Variants in PPP2R5E observed in about 807,000 individuals in gnomAD.
PPP2R5E encodes the protein protein phosphatase 2 regulatory subunit B'epsilon.
PPP2R5E carries 4 observed loss-of-function variants against 65.3 expected under a neutral mutation model. The observed-to-expected ratio is 0.06, with a 90% CI of 0.03 to 0.14. PPP2R5E has a LOEUF of 0.14. Among genes scored for constraint, PPP2R5E ranks in the 10% least tolerant of loss-of-function variants. The pLI, the probability that PPP2R5E is intolerant of heterozygous loss-of-function variation, is 1.00. For missense variants in PPP2R5E, 274 were observed against 556.1 expected, an observed-to-expected ratio of 0.49 and a Z score of 5.10; for synonymous variants, 183 against 187.4, an observed-to-expected ratio of 0.98 and a Z score of 0.19.
At chr14:63,540,396 A>ACTC (rs1198657810) in intron 1 of PPP2R5E, among the ~76,000 whole-genome samples, 1 of 140,940 alleles carries the variant, frequency 7.1e-6, no homozygotes, top group East Asian at 2.1e-4. Flanking sequence ...GCACCACTGC[A>ACTC]CTCCAGCCTG....
chr14:63,507,289 G>A (rs1234489665), intron 2 of PPP2R5E, among the ~76,000 whole-genome samples: 2 of 152,108 alleles, frequency 1.3e-5, no homozygotes, highest in Non-Finnish European at 2.9e-5. Flanking sequence ...CTGCCTACCT[G>A]CTGTGAGTAC....
intron 3 of PPP2R5E, chr14:63,451,527 A>G (rs1888820846): frequency 1.3e-5 from 2 of 152,286 alleles, no homozygotes; most frequent in African/African-American, 4.8e-5. Context: ...TGGACACAGT[A>G]AAAAGATCAG....
intron 1 of PPP2R5E, 40 bp from the exon 2 acceptor site, chr14:63,539,732 G>T (rs1405789730): frequency 1.9e-6 from 3 of 1,556,576 alleles, no homozygotes; most frequent in Non-Finnish European, 2.6e-6. Context: ...ACATTCCCAA[G>T]GTGGAAGCAT....
intron 2 of PPP2R5E, among the ~76,000 whole-genome samples, chr14:63,520,282 G>A (rs371661372): frequency 1.3e-5 from 2 of 151,902 alleles, no homozygotes; most frequent in Non-Finnish European, 1.5e-5. Flanking sequence ...TGATCCGCCC[G>A]CCTCGGCCTC....
intron 3 of PPP2R5E, among the ~76,000 whole-genome samples, chr14:63,430,369 ACATGCATG>A (rs145725219): frequency 5.8e-4 from 78 of 135,140 alleles, no homozygotes; most frequent in African/African-American, 1.9e-3. Flanking sequence ...ATACATACAT[ACATGCATG>A]CATACATACA....
intron 2 of PPP2R5E, among the ~76,000 whole-genome samples, chr14:63,489,689 T>C (rs2139628655): frequency 6.6e-6 from 1 of 152,234 alleles, no homozygotes; most frequent in Middle Eastern, 3.4e-3. Context: ...ATTACAGGCA[T>C]GAGCTGCTGC....
At chr14:63,388,857 C>G (rs6573512) in intron 11 of PPP2R5E, among the ~76,000 whole-genome samples, 41,593 of 152,092 alleles carry the variant, frequency 0.27, 10,427 homozygotes, top group African/African-American at 0.65. Flanking sequence ...TCAATAGGCA[C>G]AGTCTAGGTT....
chr14:63,387,471 G>A (rs1884739724), intron 11 of PPP2R5E, among the ~76,000 whole-genome samples: 1 of 152,168 alleles, frequency 6.6e-6, no homozygotes, highest in African/African-American at 2.4e-5. Flanking sequence ...GCAGACCTCA[G>A]ATCTTAATGC....
intron 2 of PPP2R5E, among the ~76,000 whole-genome samples, chr14:63,537,375 A>C (rs1369186310): frequency 6.6e-6 from 1 of 152,222 alleles, no homozygotes; most frequent in Non-Finnish European, 1.5e-5. Flanking sequence ...AGCATAGTTC[A>C]ATCTACAGTG....
chr14:63,485,109 G>A (rs959531450), intron 2 of PPP2R5E, among the ~76,000 whole-genome samples: 7 of 148,846 alleles, frequency 4.7e-5, no homozygotes, highest in East Asian at 2.0e-4. Flanking sequence ...AAAAGTAAAT[G>A]TTCTATCCAA....
rs572880419 is a variant in PPP2R5E at position 63,460,159 on chromosome 14, T to TA, written c.158-6275dup. On this transcript the variant is annotated intron_variant, in intron 2 of 13. Coordinates refer to ENST00000337537, the MANE Select transcript of PPP2R5E (RefSeq NM_006246.5). ...AGAGACAATAACAATCATGAACACTTACAACCATAAAGCACTGTACTAAGC... is the reference window on the plus strand; with the variant it reads ...AGAGACAATAACAATCATGAACACTTAACAACCATAAAGCACTGTACTAAGC... Among the ~76,000 whole-genome samples, 668 of 152,314 alleles carry TA rather than the reference T, an allele frequency of 4.4e-3. 9 individuals carry two copies. Among genetic ancestry groups the TA allele is most frequent in the Middle Eastern group, 0.02 (6 of 294 alleles).
At chr14:63,430,436 C>CA (rs1486331479) in intron 3 of PPP2R5E, among the ~76,000 whole-genome samples, 1 of 138,450 alleles carries the variant, frequency 7.2e-6, no homozygotes, top group Non-Finnish European at 1.5e-5. Flanking sequence ...CATACATATT[C>CA]AACTGTAAGA....
chr14:63,542,378 C>G (rs146511935), intron 1 of PPP2R5E, among the ~76,000 whole-genome samples: 371 of 151,840 alleles, frequency 2.4e-3, no homozygotes, highest in Middle Eastern at 0.021. Flanking sequence ...TAGGGAAAGA[C>G]AGGGAAGGGG....
chr14:63,468,729 A>C (rs1889963921), intron 2 of PPP2R5E, among the ~76,000 whole-genome samples: 1 of 152,244 alleles, frequency 6.6e-6, no homozygotes, highest in Non-Finnish European at 1.5e-5. Flanking sequence ...TTGTCCTTGG[A>C]GCCAAAATTT....
At chr14:63,462,073 ATT>A (rs10717359) in intron 2 of PPP2R5E, among the ~76,000 whole-genome samples, 10,858 of 144,612 alleles carry the variant, frequency 0.075, 1,118 homozygotes, top group African/African-American at 0.23. Context: ...TTTCAACTGT[ATT>A]TTTTTTTTTT....
At chr14:63,486,356 A>G (rs1408099485) in intron 2 of PPP2R5E, among the ~76,000 whole-genome samples, 1 of 150,078 alleles carries the variant, frequency 6.7e-6, no homozygotes, top group Non-Finnish European at 1.5e-5. Context: ...CCAGGGAGCA[A>G]TTTTTCTTCA....
intron 8 of PPP2R5E, 81 bp downstream of exon 8, chr14:63,393,739 G>A: frequency 2.1e-6 from 2 of 938,400 alleles, no homozygotes; most frequent in South Asian, 3.2e-5. Context: ...AAAACAAAAT[G>A]AAGGTTATAT....
At chr14:63,384,300 G>T in intron 12 of PPP2R5E, 144 bp downstream of exon 12, 1 of 935,590 alleles carries the variant, frequency 1.1e-6, no homozygotes, top group Non-Finnish European at 1.7e-6. Flanking sequence ...ATTTTCTCCA[G>T]TCAGTGAATC....
intron 8 of PPP2R5E, among the ~76,000 whole-genome samples, chr14:63,392,537 A>T (rs1388180399): frequency 6.6e-6 from 1 of 152,254 alleles, no homozygotes; most frequent in Non-Finnish European, 1.5e-5. Context: ...AACCTGGAGA[A>T]ATGTAAGAAT....
Sources: gnomAD v4.1 joint callset for allele counts (sites outside exome capture counted in the v4.1 genomes callset) on GRCh38, gnomAD v4.1.1 for gene constraint, MANE v1.5 for transcripts, NCBI Gene and HGNC (gene_info 2026-07-23, HGNC 2026-07-21) for gene names.